SPAG16: variants seen among roughly 807,000 people sequenced by gnomAD.
SPAG16 encodes sperm-associated antigen 16 protein.
SPAG16 carries 86 observed loss-of-function variants against 80.4 expected under a neutral mutation model. That is an observed-to-expected ratio of 1.07 (90% CI 0.90 to 1.28). The LOEUF (loss-of-function observed/expected upper bound fraction) is 1.28. Ranked by LOEUF, SPAG16 falls within the 50% of genes most tolerant of loss-of-function variation. The pLI is 0.00. For missense variants in SPAG16, 870 were observed against 765.3 expected, an observed-to-expected ratio of 1.14 and a Z score of -1.61; for synonymous variants, 294 against 265.9, an observed-to-expected ratio of 1.11 and a Z score of -1.03.
At chr2:213,990,308 A>G (rs2046213519) in intron 12 of SPAG16, among the ~76,000 whole-genome samples, 1 of 151,610 alleles carries the variant, frequency 6.6e-6, no homozygotes, top group African/African-American at 2.4e-5. Flanking sequence ...AGACTGTATT[A>G]GAGCTAAGAA....
intron 15 of SPAG16, among the ~76,000 whole-genome samples, chr2:214,322,600 G>T (rs1263810114): frequency 6.6e-6 from 1 of 151,894 alleles, no homozygotes; most frequent in Non-Finnish European, 1.5e-5. Context: ...TAAAGTTGGG[G>T]TATATTTTAG....
intron 4 of SPAG16, 61 bp downstream of exon 4, chr2:213,310,238 T>A: frequency 1.7e-6 from 2 of 1,194,876 alleles, no homozygotes; most frequent in Non-Finnish European, 2.4e-6. Context: ...TATACACTTT[T>A]AAGTGTCTTA....
chr2:213,923,702 G>A lies in SPAG16; in HGVS notation c.1215-6258G>A, dbSNP rs144766032. On this transcript the variant is annotated intron_variant, in intron 11 of 15. Transcript: ENST00000331683. The stretch of plus-strand genomic sequence containing the variant: ...TTCAACAAAAGTAGGACTGCTGGGC[G>A]GGAAGCTCTAGCACACATTGATCAC... 1.0e-3 allele frequency among the ~76,000 whole-genome samples: 157 copies of A among 152,286 alleles called. 1 individual carries two copies. The highest frequency in any genetic ancestry group is 3.5e-3 in the African/African-American group (147 of 41,560).
chr2:213,869,896 T>A (rs1365816), intron 11 of SPAG16, among the ~76,000 whole-genome samples: 1 of 152,078 alleles, frequency 6.6e-6, no homozygotes, highest in African/African-American at 2.4e-5. Flanking sequence ...AAATTTGGAA[T>A]GGAGAGGATC....
chr2:213,284,630 C>G lies in SPAG16; in HGVS notation c.136+11C>G, dbSNP rs779168772. 11 of 1,602,676 alleles carry G rather than the reference C, an allele frequency of 6.9e-6. No homozygotes were observed. Among genetic ancestry groups the G allele is most frequent in the South Asian group, 3.3e-5 (3 of 90,328 alleles). On this transcript the variant is annotated intron_variant, in intron 1 of 15. Transcript: ENST00000331683. ...CCTACTACCTGGAACGTATCCTTCC[C>G]GTGGAGGCGCGGCCCGCTGCGCTGG...
At chr2:213,494,940 C>A (rs2074415648) in intron 10 of SPAG16, among the ~76,000 whole-genome samples, 1 of 152,204 alleles carries the variant, frequency 6.6e-6, no homozygotes, top group African/African-American at 2.4e-5. Context: ...TTTTACATGT[C>A]TAGCTCATTC....
chr2:213,994,123 T>C (rs980195568), intron 12 of SPAG16, among the ~76,000 whole-genome samples: 1 of 152,210 alleles, frequency 6.6e-6, no homozygotes, highest in Non-Finnish European at 1.5e-5. Flanking sequence ...TGTGATTTTT[T>C]TTTCAAACTT....
chr2:213,907,348 A>G (rs751303827), intron 11 of SPAG16, among the ~76,000 whole-genome samples: 1 of 152,230 alleles, frequency 6.6e-6, no homozygotes. Flanking sequence ...CACCCTAGTT[A>G]GAATGGCTAT....
intron 10 of SPAG16, among the ~76,000 whole-genome samples, chr2:213,802,439 A>ATCTATCTG (rs2071477913): frequency 7.0e-6 from 1 of 143,784 alleles, no homozygotes; most frequent in African/African-American, 2.5e-5. Context: ...CTATCTATCT[A>ATCTATCTG]TCTATCTACA....
At chr2:213,617,615 A>G (rs1224971961) in intron 10 of SPAG16, among the ~76,000 whole-genome samples, 1 of 152,172 alleles carries the variant, frequency 6.6e-6, no homozygotes, top group African/African-American at 2.4e-5. Context: ...TGCTGAGATT[A>G]CAGGCGTGAG....
intron 10 of SPAG16, among the ~76,000 whole-genome samples, chr2:213,588,976 T>C (rs2060583326): frequency 2.6e-5 from 4 of 152,102 alleles, no homozygotes; most frequent in Admixed American, 2.6e-4. Flanking sequence ...AACGATAATC[T>C]GATCAACTCC....
chr2:213,372,888 C>G (rs540880459), intron 8 of SPAG16, among the ~76,000 whole-genome samples: 2 of 151,940 alleles, frequency 1.3e-5, no homozygotes, highest in Admixed American at 6.6e-5. Context: ...GATATTTATC[C>G]AAGAGCCTGA....
intron 10 of SPAG16, among the ~76,000 whole-genome samples, chr2:213,767,393 T>A (rs564981468): frequency 6.6e-6 from 1 of 152,016 alleles, no homozygotes; most frequent in Non-Finnish European, 1.5e-5. Context: ...TAAGGCTGGG[T>A]GCAGTGGCTC....
At chr2:214,243,863 A>G (rs1016574830) in intron 15 of SPAG16, among the ~76,000 whole-genome samples, 2 of 152,090 alleles carry the variant, frequency 1.3e-5, no homozygotes, top group Admixed American at 1.3e-4. Flanking sequence ...ACATCCTACA[A>G]ATAGGAATGA....
In SPAG16 at chr2:214,042,677, C is replaced by T. The variant is rs554139474; in HGVS notation, c.1527+28600C>T. 9.1e-4 allele frequency among the ~76,000 whole-genome samples: 138 copies of T among 152,230 alleles called. 1 individual carries two copies. The highest frequency in any genetic ancestry group is 3.2e-3 in the African/African-American group (133 of 41,540). ...ATACTAAGTGAATGATGTCTTCACA[C>T]TTTCTTTTCCTTATTTCTGTGCTTC... On this transcript the variant is annotated intron_variant, in intron 13 of 15. Coordinates refer to ENST00000331683, the MANE Select transcript of SPAG16 (RefSeq NM_024532.5).
chr2:213,555,635 T>C (rs13020928), intron 10 of SPAG16, among the ~76,000 whole-genome samples: 40,906 of 152,108 alleles, frequency 0.27, 6,381 homozygotes, highest in Middle Eastern at 0.44. Context: ...CTTTTACATA[T>C]GAGACAAGAT....
At chr2:213,985,050 G>C (rs1457653134) in intron 12 of SPAG16, among the ~76,000 whole-genome samples, 1 of 152,034 alleles carries the variant, frequency 6.6e-6, no homozygotes, top group Non-Finnish European at 1.5e-5. Flanking sequence ...CCTATTGTCT[G>C]AAAAACACAA....
At chr2:213,706,271 A>T (rs1002208033) in intron 10 of SPAG16, among the ~76,000 whole-genome samples, 4 of 152,194 alleles carry the variant, frequency 2.6e-5, no homozygotes, top group Non-Finnish European at 5.9e-5. Context: ...GCTGGACTCT[A>T]TCCTCATTTG....
intron 15 of SPAG16, among the ~76,000 whole-genome samples, chr2:214,301,966 A>G (rs1023048793): frequency 2.0e-5 from 3 of 151,916 alleles, no homozygotes; most frequent in African/African-American, 7.3e-5. Flanking sequence ...AGGTTTTGGT[A>G]TGTTGTGTGT....
Sources: gnomAD v4.1 joint callset for allele counts (sites outside exome capture counted in the v4.1 genomes callset) on GRCh38, gnomAD v4.1.1 for gene constraint, MANE v1.5 for transcripts, NCBI Gene and HGNC (gene_info 2026-07-23, HGNC 2026-07-21) for gene names.